The following BCL2 variants were observed in gnomAD, a reference collection of about 807,000 sequenced individuals.
BCL2 encodes apoptosis regulator Bcl-2.
Under a neutral mutation model 14.2 loss-of-function variants are expected in BCL2, and 1 was observed. That is an observed-to-expected ratio of 0.07 (90% CI 0.02 to 0.33). BCL2 has a LOEUF of 0.33. Ranked by LOEUF, BCL2 falls within the 10% of genes least tolerant of loss-of-function variation. The probability of loss-of-function intolerance (pLI) is 0.99; values close to 1 mark genes in which losing one functional copy is unlikely to be tolerated. For synonymous variants in BCL2, 151 were observed against 137.2 expected (o/e 1.10, Z -0.70); for missense variants, 247 against 305.9 (o/e 0.81, Z 1.44).
At chr18:63,286,769 C>T (rs1467184068) in intron 2 of BCL2, among the ~76,000 whole-genome samples, 1 of 152,106 alleles carries the variant, frequency 6.6e-6, no homozygotes, top group African/African-American at 2.4e-5. Context: ...GGAAGGGAGT[C>T]CTTGGTGCCC....
intron 2 of BCL2, among the ~76,000 whole-genome samples, chr18:63,300,791 C>A (rs927091824): frequency 6.6e-6 from 1 of 152,164 alleles, no homozygotes; most frequent in African/African-American, 2.4e-5. Flanking sequence ...GCCTGCCCCA[C>A]GCAGAAGAGC....
intron 2 of BCL2, chr18:63,317,444 A>G (rs1184633594): frequency 1.4e-6 from 1 of 717,400 alleles, no homozygotes; most frequent in African/African-American, 1.9e-5. Context: ...AACATGGCAC[A>G]CACTGGAGAT....
chr18:63,143,198 CAG>C (rs1232271166), intron 2 of BCL2, among the ~76,000 whole-genome samples: 1 of 152,188 alleles, frequency 6.6e-6, no homozygotes, highest in Non-Finnish European at 1.5e-5. Flanking sequence ...AACAGAAACT[CAG>C]AGAGAGAAAC....
At chr18:63,276,480 C>T (rs1429408102) in intron 2 of BCL2, among the ~76,000 whole-genome samples, 1 of 152,186 alleles carries the variant, frequency 6.6e-6, no homozygotes, top group Non-Finnish European at 1.5e-5. Flanking sequence ...GCACAAGCCA[C>T]AAATATTCTA....
At chr18:63,181,972 G>T (rs1265242007) in intron 2 of BCL2, among the ~76,000 whole-genome samples, 1 of 152,184 alleles carries the variant, frequency 6.6e-6, no homozygotes, top group African/African-American at 2.4e-5. Flanking sequence ...CCAGGCACCT[G>T]CTGGGGGGCA....
chr18:63,267,368 T>C (rs1261628298), intron 2 of BCL2, among the ~76,000 whole-genome samples: 1 of 152,102 alleles, frequency 6.6e-6, no homozygotes, highest in Non-Finnish European at 1.5e-5. Flanking sequence ...GGCTGTGAAC[T>C]AAGGCAGTGG....
chr18:63,206,749 A>C (rs928067576), intron 2 of BCL2, among the ~76,000 whole-genome samples: 2 of 152,158 alleles, frequency 1.3e-5, no homozygotes, highest in Admixed American at 6.5e-5. Context: ...ACAGGATTTA[A>C]AGAAGGGGAC....
intron 2 of BCL2, chr18:63,314,319 A>G (rs532668347): frequency 6.6e-6 from 1 of 152,332 alleles, no homozygotes; most frequent in South Asian, 2.1e-4. Flanking sequence ...TAATTTGTAC[A>G]CTGGCATGAG....
intron 2 of BCL2, among the ~76,000 whole-genome samples, chr18:63,274,208 A>T (rs12605881): frequency 0.39 from 58,906 of 150,894 alleles, 11,649 homozygotes; most frequent in Middle Eastern, 0.49. Context: ...CTATGCTAAT[A>T]TCTGGGACTT....
At chr18:63,148,265 G>C (rs1914564374) in intron 2 of BCL2, among the ~76,000 whole-genome samples, 1 of 152,020 alleles carries the variant, frequency 6.6e-6, no homozygotes, top group African/African-American at 2.4e-5. Context: ...TATTAAGTCA[G>C]TATTTTTTCC....
rs1379595021 is a variant in BCL2, at chr18:63,318,342, G to A, written c.325C>T (p.Arg109Cys). The A allele has an allele frequency of 1.9e-6, 3 of 1,611,692 alleles. No homozygotes were observed. The highest frequency in any genetic ancestry group is 1.1e-5 in the South Asian group (1 of 90,816). Residue 109 changes from arginine (R) to cysteine (C), a missense_variant, in exon 2 of 3, where the codon CGC becomes TGC. Arg to Cys is a radical substitution (Grantham distance 180, BLOSUM62 -3). This residue lies in a region of BCL2 where 67 missense variants were observed against 145.7 expected (regional missense o/e 0.46). Transcript: ENST00000333681. The surrounding 1 kb of genome is among the most constrained non-coding windows in gnomAD (Gnocchi z 7.4). Reference protein sequence around the residue: ...QAGDDFSRRYRRDFAEMSSQL... With the variant: ...QAGDDFSRRYCRDFAEMSSQL... Reference sequence around the variant, plus strand: ...CTGGACATCTCGGCGAAGTCGCGGCGGTAGCGGCGGGAGAAGTCGTCGCCG... The same window carrying A: ...CTGGACATCTCGGCGAAGTCGCGGCAGTAGCGGCGGGAGAAGTCGTCGCCG...
chr18:63,177,760 G>A (rs1242700704), intron 2 of BCL2, among the ~76,000 whole-genome samples: 3 of 152,182 alleles, frequency 2.0e-5, no homozygotes, highest in African/African-American at 7.2e-5. Flanking sequence ...CAGCCCCCAA[G>A]AAGAAGGGGC....
At chr18:63,209,962 G>A (rs1909955404) in intron 2 of BCL2, among the ~76,000 whole-genome samples, 1 of 152,200 alleles carries the variant, frequency 6.6e-6, no homozygotes, top group Admixed American at 6.5e-5. Context: ...GCTGAAATTG[G>A]TGCATGATCC....
chr18:63,175,475 A>C (rs77162487), intron 2 of BCL2, among the ~76,000 whole-genome samples: 1,914 of 152,356 alleles, frequency 0.013, 45 homozygotes, highest in African/African-American at 0.042. Context: ...AGCTGTAAGC[A>C]GCCAGCACAG....
At chr18:63,296,329 ACT>A (rs1912793667) in intron 2 of BCL2, among the ~76,000 whole-genome samples, 1 of 152,002 alleles carries the variant, frequency 6.6e-6, no homozygotes, top group Admixed American at 6.6e-5. Context: ...ACAAGGTCTC[ACT>A]CTGTCATCCA....
chr18:63,304,331 G>A (rs1913055873), intron 2 of BCL2, among the ~76,000 whole-genome samples: 1 of 152,132 alleles, frequency 6.6e-6, no homozygotes, highest in South Asian at 2.1e-4. Flanking sequence ...TTTGTTGATT[G>A]AATGAACTTG....
intron 2 of BCL2, among the ~76,000 whole-genome samples, chr18:63,156,468 C>A (rs368180418): frequency 2.0e-5 from 3 of 152,272 alleles, no homozygotes; most frequent in African/African-American, 7.2e-5. Flanking sequence ...TGTCTCCAGG[C>A]CGTGCCAAAT....
chr18:63,170,382 G>C (rs1915193822), intron 2 of BCL2, among the ~76,000 whole-genome samples: 1 of 152,142 alleles, frequency 6.6e-6, no homozygotes, highest in African/African-American at 2.4e-5. Context: ...CTTGTGCATA[G>C]TCAGTGTTCA....
At chr18:63,172,012 C>A (rs1412946542) in intron 2 of BCL2, among the ~76,000 whole-genome samples, 1 of 152,116 alleles carries the variant, frequency 6.6e-6, no homozygotes, top group Non-Finnish European at 1.5e-5. Context: ...AATATATACA[C>A]AAATTAGATA....
Sources: allele counts gnomAD v4.1 joint callset (sites outside exome capture counted in the v4.1 genomes callset), GRCh38; gene constraint gnomAD v4.1.1; regional missense constraint gnomAD v4.1.1; non-coding constraint Gnocchi (gnomAD v3.1); transcripts MANE v1.5; gene names NCBI Gene and HGNC (gene_info 2026-07-23, HGNC 2026-07-21).